The following SEMA3D variants were observed in gnomAD, a reference collection of about 807,000 sequenced individuals.
SEMA3D encodes semaphorin-3D.
A neutral mutation model predicts 100.1 loss-of-function variants in SEMA3D; 84 were observed. The ratio of observed to expected loss-of-function variants is 0.84; its 90% CI spans 0.70 to 1.01. The LOEUF (loss-of-function observed/expected upper bound fraction) is 1.01. Among genes scored for constraint, SEMA3D ranks in the 50% least tolerant of loss-of-function variants. SEMA3D has a pLI of 0.00. For synonymous variants in SEMA3D, 312 were observed against 320.7 expected (o/e 0.97, Z 0.29); for missense variants, 875 against 934.1 (o/e 0.94, Z 0.82).
chr7:85,148,507 T>C (rs890197313), intron 2 of SEMA3D, among the ~76,000 whole-genome samples: 1 of 152,168 alleles, frequency 6.6e-6, no homozygotes, highest in East Asian at 1.9e-4. Context: ...ATAAGATACT[T>C]GTTTTTAAAA....
intron 16 of SEMA3D, among the ~76,000 whole-genome samples, chr7:85,014,248 C>T (rs1401589112): frequency 6.6e-6 from 1 of 151,700 alleles, no homozygotes; most frequent in East Asian, 1.9e-4. Flanking sequence ...GCTTACATTT[C>T]ACCTAGAGGA....
chr7:85,068,371 C>T lies in SEMA3D; in HGVS notation c.496-87G>A, dbSNP rs754283603. On this transcript the variant is annotated intron_variant, in intron 6 of 18. Transcript: ENST00000284136. ...GGGAGATACAAACTAAATTCCAACT[C>T]ATGAATTTGATAAAACTAATTGAGC... The T allele has an allele frequency of 8.8e-5, 65 of 737,422 alleles. 1 individual carries two copies. The South Asian group carries it at 1.0e-3, about 12-fold the overall frequency. 45.7% of individuals were successfully genotyped at this position (737,422 alleles called of 1,614,324 possible).
chr7:85,044,944 C>T (rs1350586273), intron 9 of SEMA3D, among the ~76,000 whole-genome samples: 2 of 151,896 alleles, frequency 1.3e-5, no homozygotes, highest in Non-Finnish European at 1.5e-5. Flanking sequence ...ATCCCTATTG[C>T]TGTTGAATGA....
intron 18 of SEMA3D, 129 bp from the exon 19 acceptor site, chr7:84,999,994 C>A: frequency 1.3e-6 from 1 of 764,744 alleles, no homozygotes; most frequent in Non-Finnish European, 2.1e-6. Flanking sequence ...TCTCTGTCAT[C>A]AAGCATAATA....
intron 1 of SEMA3D, among the ~76,000 whole-genome samples, chr7:85,166,882 T>TA (rs1790921486): frequency 6.6e-6 from 1 of 151,958 alleles, no homozygotes; most frequent in African/African-American, 2.4e-5. Context: ...TTAAAGTGGA[T>TA]AAGAAAACAT....
intron 16 of SEMA3D, among the ~76,000 whole-genome samples, chr7:85,013,638 A>G (rs1790019746): frequency 6.6e-6 from 1 of 151,720 alleles, no homozygotes; most frequent in African/African-American, 2.4e-5. Context: ...TGTGATATCT[A>G]TAGTGTTCCT....
intron 2 of SEMA3D, among the ~76,000 whole-genome samples, chr7:85,125,046 AT>A (rs1789526490): frequency 6.6e-6 from 1 of 152,082 alleles, no homozygotes; most frequent in Admixed American, 6.6e-5. Flanking sequence ...GCATACAAAC[AT>A]GTATTCTCCC....
the SEMA3D span, among the ~76,000 whole-genome samples, chr7:85,211,282 T>C: frequency 1.3e-5 from 2 of 152,086 alleles, no homozygotes; most frequent in African/African-American, 4.8e-5. Context: ...GTTCTTCAAT[T>C]TTCCTCTACT....
intron 12 of SEMA3D, among the ~76,000 whole-genome samples, chr7:85,024,518 T>C (rs1790339915): frequency 2.0e-5 from 3 of 151,888 alleles, no homozygotes; most frequent in Admixed American, 2.0e-4. Flanking sequence ...AAAAAATAAA[T>C]ATGAATTTTC....
At chr7:85,051,604 A>T (rs1249309677) in intron 9 of SEMA3D, among the ~76,000 whole-genome samples, 2 of 151,892 alleles carry the variant, frequency 1.3e-5, no homozygotes, top group African/African-American at 4.8e-5. Flanking sequence ...CATAACTTCA[A>T]GATCTGCCAG....
chr7:85,086,622 C>T (rs1788223823), intron 4 of SEMA3D, among the ~76,000 whole-genome samples: 1 of 147,336 alleles, frequency 6.8e-6, no homozygotes, highest in African/African-American at 2.7e-5. Context: ...CTTTCTCTCT[C>T]TCTCTCTCCG....
intron 2 of SEMA3D, among the ~76,000 whole-genome samples, chr7:85,137,361 GTACA>G (rs1789898081): frequency 6.6e-6 from 1 of 151,650 alleles, no homozygotes; most frequent in Non-Finnish European, 1.5e-5. Flanking sequence ...CATATATATG[GTACA>G]TACATAGGGG....
At chr7:85,001,198 G>A (rs1351388042) in intron 18 of SEMA3D, among the ~76,000 whole-genome samples, 1 of 152,178 alleles carries the variant, frequency 6.6e-6, no homozygotes, top group Admixed American at 6.5e-5. Flanking sequence ...CCAAAGGCAG[G>A]TCACAGCTCA....
chr7:85,222,222 T>A, the SEMA3D span, among the ~76,000 whole-genome samples: 1 of 152,206 alleles, frequency 6.6e-6, no homozygotes, highest in South Asian at 2.1e-4. Flanking sequence ...GAAGGTGATT[T>A]GATATTTTAT....
intron 4 of SEMA3D, among the ~76,000 whole-genome samples, chr7:85,093,572 A>T (rs1788464336): frequency 6.6e-6 from 1 of 152,026 alleles, no homozygotes; most frequent in African/African-American, 2.4e-5. Flanking sequence ...GAACATATTC[A>T]TATTATATAA....
At chr7:85,192,434 T>C in the SEMA3D span, among the ~76,000 whole-genome samples, 1 of 152,072 alleles carries the variant, frequency 6.6e-6, no homozygotes, top group East Asian at 1.9e-4. Context: ...ATATTTACCA[T>C]CTGACTGTAA....
At chr7:85,207,145 T>A in the SEMA3D span, among the ~76,000 whole-genome samples, 4 of 152,182 alleles carry the variant, frequency 2.6e-5, 1 homozygote, top group African/African-American at 9.6e-5. Flanking sequence ...CTTATAAGAT[T>A]TTTTTACATC....
chr7:85,192,777 T>C, the SEMA3D span, among the ~76,000 whole-genome samples: 1 of 152,190 alleles, frequency 6.6e-6, no homozygotes, highest in African/African-American at 2.4e-5. Flanking sequence ...GTCATCATAA[T>C]ACCATTAACA....
Position 85,081,451 on chromosome 7 carries a change from A to C in SEMA3D, c.375+66T>G, listed in dbSNP as rs1228724173. 5 of 1,015,614 alleles carry C rather than the reference A, an allele frequency of 4.9e-6. No individual in the cohort carries two copies. In the East Asian group the frequency reaches 1.2e-4, roughly 24 times the overall value. 62.9% of individuals were successfully genotyped at this position (1,015,614 alleles called of 1,614,324 possible). A position where few individuals can be genotyped will look rare whatever the true frequency, so the allele number is the denominator to read the frequency against. On this transcript the variant is annotated intron_variant, in intron 5 of 18. Transcript: ENST00000284136. ...AATACCATTAATTCAGTAAAGCCCA[A>C]TATAAATATTTGCTATCATATCAGT...
Sources: gnomAD v4.1 joint callset for allele counts (sites outside exome capture counted in the v4.1 genomes callset) on GRCh38, gnomAD v4.1.1 for gene constraint, MANE v1.5 for transcripts, NCBI Gene and HGNC (gene_info 2026-07-23, HGNC 2026-07-21) for gene names.